The following NPAS3 variants were observed in gnomAD, a reference collection of about 807,000 sequenced individuals.
The protein encoded by NPAS3 is neuronal PAS domain-containing protein 3.
A neutral mutation model predicts 73.1 loss-of-function variants in NPAS3; 14 were observed. That is an observed-to-expected ratio of 0.19 (90% CI 0.13 to 0.30). The LOEUF is 0.30. Ranked by LOEUF, NPAS3 falls within the 10% of genes least tolerant of loss-of-function variation. The pLI is 1.00. For missense variants in NPAS3, 1,096 were observed against 1,250.0 expected (o/e 0.88, Z 1.86); for synonymous variants, 620 against 541.5 (o/e 1.14, Z -2.01).
intron 2 of NPAS3, among the ~76,000 whole-genome samples, chr14:33,137,191 A>G (rs2043872077): frequency 6.6e-6 from 1 of 152,208 alleles, no homozygotes; most frequent in African/African-American, 2.4e-5. Flanking sequence ...TAAGAAACAT[A>G]ATTGAATTAA....
At chr14:33,538,138 T>C (rs534432049) in intron 4 of NPAS3, among the ~76,000 whole-genome samples, 3 of 152,320 alleles carry the variant, frequency 2.0e-5, no homozygotes, top group African/African-American at 4.8e-5. Context: ...TTGTTATGTA[T>C]GTAGGTACTG....
chr14:33,453,394 T>C (rs1292793927), intron 4 of NPAS3, among the ~76,000 whole-genome samples: 1 of 152,230 alleles, frequency 6.6e-6, no homozygotes, highest in African/African-American at 2.4e-5. Flanking sequence ...TTTCTGCATG[T>C]GTCACTCACA....
At chr14:33,344,000 T>G (rs2044613819) in intron 3 of NPAS3, among the ~76,000 whole-genome samples, 1 of 152,204 alleles carries the variant, frequency 6.6e-6, no homozygotes. Context: ...CCCTGAAAGT[T>G]GCACAGGAGA....
At chr14:33,661,865 G>T (rs967155364) in intron 5 of NPAS3, among the ~76,000 whole-genome samples, 1 of 152,020 alleles carries the variant, frequency 6.6e-6, no homozygotes, top group African/African-American at 2.4e-5. Context: ...CTTTTGATAA[G>T]TTTTCACCCC....
intron 4 of NPAS3, among the ~76,000 whole-genome samples, chr14:33,470,316 A>G (rs78558545): frequency 0.025 from 3,747 of 152,292 alleles, 78 homozygotes; most frequent in Middle Eastern, 0.061. Flanking sequence ...AGCATGGGGG[A>G]TGCATAAATT....
chr14:33,364,001 A>G (rs2045725305), intron 3 of NPAS3, among the ~76,000 whole-genome samples: 1 of 151,778 alleles, frequency 6.6e-6, no homozygotes, highest in African/African-American at 2.4e-5. Context: ...ATTTCAGAAA[A>G]TAGTCTTTTA....
At chr14:33,650,429 GA>G (rs993398118) in intron 5 of NPAS3, among the ~76,000 whole-genome samples, 41 of 150,488 alleles carry the variant, frequency 2.7e-4, no homozygotes, top group Non-Finnish European at 5.2e-4. Context: ...CCCAATTGAA[GA>G]AAAAAAAACC....
chr14:33,065,682 A>G (rs2041252772), intron 2 of NPAS3, among the ~76,000 whole-genome samples: 1 of 152,002 alleles, frequency 6.6e-6, no homozygotes, highest in African/African-American at 2.4e-5. Context: ...CCCTCAAGCC[A>G]GTTATAAAGG....
rs150058370 is a variant in NPAS3, at chr14:33,671,492, A to C, written c.559-4719A>C. ...GAGAAAGGCTGTGTGGTTTAGCTTGACTATAGGATATTCTGGATGGCACTA... is the reference window on the plus strand; with the variant it reads ...GAGAAAGGCTGTGTGGTTTAGCTTGCCTATAGGATATTCTGGATGGCACTA... On this transcript the variant is annotated intron_variant, in intron 5 of 11. Coordinates refer to ENST00000356141, the Ensembl canonical transcript of NPAS3. Among the ~76,000 whole-genome samples the C allele has an allele frequency of 6.2e-4, 94 of 152,334 alleles. No homozygotes were observed. The Middle Eastern group carries it at 0.01, about 17-fold the overall frequency.
At chr14:32,982,886 T>C (rs2037954160) in intron 1 of NPAS3, among the ~76,000 whole-genome samples, 2 of 152,102 alleles carry the variant, frequency 1.3e-5, no homozygotes, top group African/African-American at 4.8e-5. Flanking sequence ...TAACTTGCAG[T>C]TTTGCTTATT....
intron 2 of NPAS3, among the ~76,000 whole-genome samples, chr14:33,137,213 T>A (rs1334273649): frequency 6.6e-6 from 1 of 152,150 alleles, no homozygotes; most frequent in Non-Finnish European, 1.5e-5. Context: ...ATGAGGACAT[T>A]AAGTGATAAA....
chr14:33,218,946 T>C (rs981035224), intron 3 of NPAS3, among the ~76,000 whole-genome samples: 5 of 152,060 alleles, frequency 3.3e-5, no homozygotes, highest in Non-Finnish European at 5.9e-5. Context: ...GGTGACAGTA[T>C]GTAATATGTC....
chr14:33,234,883 A>G (rs934886206), intron 3 of NPAS3, among the ~76,000 whole-genome samples: 4 of 152,134 alleles, frequency 2.6e-5, no homozygotes, highest in African/African-American at 9.7e-5. Flanking sequence ...TTTGGCTATA[A>G]TAAGAGATTT....
chr14:33,002,261 G>A (rs1173462027), intron 1 of NPAS3, among the ~76,000 whole-genome samples: 5 of 152,160 alleles, frequency 3.3e-5, no homozygotes, highest in African/African-American at 9.7e-5. Context: ...TTCCCACAGA[G>A]CCTAGCATGT....
chr14:32,970,440 T>G (rs1203991015), intron 1 of NPAS3, among the ~76,000 whole-genome samples: 2 of 152,200 alleles, frequency 1.3e-5, no homozygotes, highest in Non-Finnish European at 2.9e-5. Flanking sequence ...TTCTACTTTT[T>G]ATTGCTAATT....
chr14:33,090,447 ACTAT>A (rs1366669720), intron 2 of NPAS3, among the ~76,000 whole-genome samples: 4 of 152,248 alleles, frequency 2.6e-5, no homozygotes, highest in Non-Finnish European at 5.9e-5. Flanking sequence ...AGAAGAGCTA[ACTAT>A]CCTAAATACA....
intron 7 of NPAS3, among the ~76,000 whole-genome samples, chr14:33,764,592 C>CT (rs1441254459): frequency 1.3e-5 from 2 of 152,058 alleles, no homozygotes; most frequent in Non-Finnish European, 2.9e-5. Context: ...AGTTCTGAGT[C>CT]TTTTTTTATA....
At chr14:33,433,680 T>C (rs888382359) in intron 4 of NPAS3, among the ~76,000 whole-genome samples, 5 of 152,186 alleles carry the variant, frequency 3.3e-5, no homozygotes, top group African/African-American at 4.8e-5. Flanking sequence ...CTAAGTATTA[T>C]GAAACAGAAG....
At chr14:33,032,734 G>A (rs1446013633) in intron 1 of NPAS3, among the ~76,000 whole-genome samples, 3 of 152,168 alleles carry the variant, frequency 2.0e-5, no homozygotes, top group Non-Finnish European at 2.9e-5. Flanking sequence ...ATTCTTACAG[G>A]CTGCCTTGTC....
Sources: allele counts gnomAD v4.1 joint callset (sites outside exome capture counted in the v4.1 genomes callset), GRCh38; gene constraint gnomAD v4.1.1; transcripts MANE v1.5; gene names NCBI Gene and HGNC (gene_info 2026-07-23, HGNC 2026-07-21).